FZD4: variants seen among roughly 807,000 people sequenced by gnomAD.
The protein encoded by FZD4 is frizzled-4.
FZD4 carries 16 observed loss-of-function variants against 37.3 expected under a neutral mutation model. The ratio of observed to expected loss-of-function variants is 0.43; its 90% CI spans 0.29 to 0.65. The LOEUF (loss-of-function observed/expected upper bound fraction) is 0.65, where lower values mean the gene tolerates loss of function less well. FZD4 is among the 30% of genes least tolerant of loss of function. The pLI is 0.16. For missense variants in FZD4, 599 were observed against 674.3 expected (o/e 0.89, Z 1.24); for synonymous variants, 246 against 254.8 (o/e 0.97, Z 0.33).
In FZD4 at chr11:86,955,090, A is replaced by G. The variant is rs777338316; in HGVS notation, c.-5T>C. The G allele has an allele frequency of 3.3e-6, 5 of 1,509,834 alleles. No individual in the cohort carries two copies. Among genetic ancestry groups the G allele is most frequent in the Non-Finnish European group, 1.8e-6 (2 of 1,134,598 alleles). The allele number at this position is 1,509,834 out of a possible 1,614,324, so 93.5% of individuals were successfully genotyped here. On this transcript the variant is annotated 5_prime_UTR_variant, in exon 1 of 2. Transcript: ENST00000531380. ...CCCTGCGCCCCGCCAGGCCATGGCC[A>G]GCATCGGGGGTAGCAGCGGCAGCGG...
chr11:86,954,815 A>G lies in FZD4; in HGVS notation c.271T>C (p.Ser91Pro), dbSNP rs775450620. 1 of 1,609,454 alleles carries G rather than the reference A, an allele frequency of 6.2e-7. No individual in the cohort carries two copies. The highest frequency in any genetic ancestry group is 2.2e-5 in the East Asian group (1 of 44,680). Residue 91 changes from serine to proline, a missense_variant, in exon 1 of 2, where the codon TCC (serine) becomes CCC (proline). This residue lies in a region of FZD4 where 357 missense variants were observed against 396.1 expected (regional missense o/e 0.90). Transcript: ENST00000531380. ...GGGGCGCCCACCTGCAGCTGGCTGGAGCAGCCGTACTGGATGAGCGGTGTG... is the reference window on the plus strand; with the variant it reads ...GGGGCGCCCACCTGCAGCTGGCTGGGGCAGCCGTACTGGATGAGCGGTGTG... ...TFTPLIQYGC[S>P]SQLQFFLCSV...
chr11:86,954,755 T>C, intron 1 of FZD4, 46 bp downstream of exon 1: 2 of 1,554,086 alleles, frequency 1.3e-6, no homozygotes, highest in South Asian at 1.2e-5. Flanking sequence ...GTTTGGAGCG[T>C]CCCTCCCCAA....
At chr11:86,953,654 T>C (rs1949313147) in intron 1 of FZD4, among the ~76,000 whole-genome samples, 1 of 152,138 alleles carries the variant, frequency 6.6e-6, no homozygotes, top group Non-Finnish European at 1.5e-5. Flanking sequence ...TTCGCTCCTG[T>C]GGCCCAGGCT....
At position 86,951,176 on chromosome 11, in the gene FZD4, A is replaced by G. The variant is rs764902681; in HGVS notation, c.1580T>C (p.Val527Ala). 6.2e-7 allele frequency: 1 copy of G among 1,614,074 alleles called. No homozygotes were observed. Among genetic ancestry groups the G allele is most frequent in the East Asian group, 2.2e-5 (1 of 44,886 alleles). The change falls in exon 2 of 2, where the codon GTG becomes GCG. Residue 527 changes from valine (V) to alanine (A), a missense_variant. This residue lies in a region of FZD4 where 203 missense variants were observed against 196.8 expected (regional missense o/e 1.03). Transcript: ENST00000531380. ...VKREKRGNGW[V>A]KPGKGSETVV ...AGTCTCACTGCCTTTTCCAGGCTTC[A>G]CCCAACCATTTCCTCTCTTCTCTCT...
Position 86,951,877 on chromosome 11 carries a change from G to T in FZD4, c.879C>A (p.Ile293=). 1 of 1,613,550 alleles carries T rather than the reference G, an allele frequency of 6.2e-7. No individual in the cohort carries two copies. The highest frequency in any genetic ancestry group is 2.2e-5 in the East Asian group (1 of 44,888). Residue 293 remains isoleucine, a synonymous_variant, in exon 2 of 2, where the codon ATC becomes ATA. Transcript: ENST00000531380. ...DFEEAAEPVL[I]QEGLKNTGCA... Reference sequence around the variant, plus strand: ...ATCCTGTGTTCTTAAGTCCTTCTTGGATGAGAACAGGTTCTGCTGCCTCTT... The same window carrying T: ...ATCCTGTGTTCTTAAGTCCTTCTTGTATGAGAACAGGTTCTGCTGCCTCTT...
At position 86,945,965 on chromosome 11, in the gene FZD4, A is replaced by T. The variant is rs376559208; in HGVS notation, c.*5177T>A. The T allele has an allele frequency of 2.4e-4, 36 of 152,738 alleles. 1 individual carries two copies. Among genetic ancestry groups the T allele is most frequent in the African/African-American group, 8.7e-4 (36 of 41,566 alleles). 9.5% of individuals were successfully genotyped at this position (152,738 alleles called of 1,614,324 possible). A position where few individuals can be genotyped will look rare whatever the true frequency, so the allele number is the denominator to read the frequency against. On this transcript the variant is annotated 3_prime_UTR_variant, in exon 2 of 2. Transcript: ENST00000531380. ...GAGGACCCAAGAAAGGCCACAGAGC[A>T]TCCAGCCCGACTGCTGCACAGAGCA...
chr11:86,952,381 C>G lies in FZD4; in HGVS notation c.375G>C (p.Lys125Asn). ...GPCGGMCLSV[K>N]RRCEPVLKEF... ...CCTTCAGGACGGGTTCACAGCGTCT[C>G]TTGACTGAAAGACACATGCCGCCGC... Residue 125 changes from lysine to asparagine, a missense_variant, in exon 2 of 2, where the codon AAG becomes AAC. Lys to Asn is a moderately conservative substitution (Grantham distance 94). Around this residue, in one of 3 missense-constraint regions of FZD4, gnomAD observed 357 missense variants for 396.1 expected, o/e 0.90. Transcript: ENST00000531380. The G allele has an allele frequency of 6.2e-7, 1 of 1,614,192 alleles. No homozygotes were observed. Among genetic ancestry groups the G allele is most frequent in the Non-Finnish European group, 8.5e-7 (1 of 1,180,030 alleles).
chr11:86,954,162 T>C, intron 1 of FZD4: 1 of 772,254 alleles, frequency 1.3e-6, no homozygotes, highest in Non-Finnish European at 1.6e-6. Flanking sequence ...AGATATGCTT[T>C]ACATTTTTTA....
Position 86,951,230 on chromosome 11 carries a change from T to C in FZD4, c.1526A>G (p.Asn509Ser), listed in dbSNP as rs1949288144. ...TACCTTTCCAGAATTCACCAATCTG[T>C]TGGAACACTTCTGCCACGTGTGAAG... ...KTLHTWQKCS[N>S]RLVNSGKVKR... Residue 509 changes from asparagine to serine, a missense_variant, in exon 2 of 2, where the codon AAC becomes AGC. Transcript: ENST00000531380. 1.9e-6 allele frequency: 3 copies of C among 1,614,170 alleles called. No individual in the cohort carries two copies. Among genetic ancestry groups the C allele is most frequent in the Admixed American group, 3.3e-5 (2 of 60,032 alleles).
Position 86,954,782 on chromosome 11 carries a change from T to TG in FZD4, c.285+18dup, listed in dbSNP as rs2135045149. ...CCTCCCCAAGGGGTCCCGCCAGGGG[T>TG]GGGGGTGGGGGCGCCCACCTGCAGC... On this transcript the variant is annotated intron_variant, in intron 1 of 1. Transcript: ENST00000531380. 6.3e-7 allele frequency: 1 copy of TG among 1,583,456 alleles called. No individual in the cohort carries two copies.
chr11:86,946,227 C>T lies in FZD4; in HGVS notation c.*4915G>A, dbSNP rs1374048930. 1 of 152,182 alleles carries T rather than the reference C, an allele frequency of 6.6e-6. No individual in the cohort carries two copies. Among genetic ancestry groups the T allele is most frequent in the Non-Finnish European group, 1.5e-5 (1 of 68,062 alleles). The allele number at this position is 152,182 out of a possible 1,614,324, so 9.4% of individuals were successfully genotyped here. On this transcript the variant is annotated 3_prime_UTR_variant, in exon 2 of 2. Coordinates refer to ENST00000531380, the MANE Select transcript of FZD4 (RefSeq NM_012193.4). ...CCAGCCTATTAGTACAATTTGAAAA[C>T]TTTCACAACCTCGGAGAGAAGATGG... is the stretch of plus-strand genomic sequence containing the variant.
intron 1 of FZD4, 60 bp from the exon 2 acceptor site, chr11:86,952,530 A>C: frequency 1.9e-6 from 3 of 1,580,964 alleles, no homozygotes; most frequent in Non-Finnish European, 2.6e-6. Context: ...GTTTGACCAA[A>C]TGCTCCCACA....
chr11:86,955,284 G>T lies in FZD4; in HGVS notation c.-199C>A, dbSNP rs550144999. 5 of 471,106 alleles carry T rather than the reference G, an allele frequency of 1.1e-5. No homozygotes were observed. In the South Asian group the frequency reaches 2.2e-4, roughly 21 times the overall value. The allele number at this position is 471,106 out of a possible 1,614,324, so 29.2% of individuals were successfully genotyped here. A position where few individuals can be genotyped will look rare whatever the true frequency, so the allele number is the denominator to read the frequency against. Reference sequence around the variant, plus strand: ...TTTAGACGTCCCGGGCCGAGGCCGAGGGACAGGCTGCGAGGGTCATGGCTG... The same window carrying T: ...TTTAGACGTCCCGGGCCGAGGCCGATGGACAGGCTGCGAGGGTCATGGCTG... On this transcript the variant is annotated 5_prime_UTR_variant, in exon 1 of 2. Coordinates refer to ENST00000531380, the MANE Select transcript of FZD4 (RefSeq NM_012193.4).
At position 86,947,977 on chromosome 11, in the gene FZD4, C is replaced by T. The variant is rs933893188; in HGVS notation, c.*3165G>A. 2.6e-5 allele frequency: 4 copies of T among 152,372 alleles called. No homozygotes were observed. In the South Asian group the frequency reaches 8.3e-4, roughly 32 times the overall value. The allele number at this position is 152,372 out of a possible 1,614,324, so 9.4% of individuals were successfully genotyped here. A position where few individuals can be genotyped will look rare whatever the true frequency, so the allele number is the denominator to read the frequency against. On this transcript the variant is annotated 3_prime_UTR_variant, in exon 2 of 2. Coordinates refer to ENST00000531380, the MANE Select transcript of FZD4 (RefSeq NM_012193.4). ...TCCTCAAATATACCTATACAAGTCA[C>T]ATGGAATACCCCAAGCCCTGAATTG...
chr11:86,955,170 G>T lies in FZD4; in HGVS notation c.-85C>A. On this transcript the variant is annotated 5_prime_UTR_variant, in exon 1 of 2. Transcript: ENST00000531380. ...TTGCACGGGGGCGCCGGCTGCCCGC[G>T]CTGCTCCCAGCTCCCGGGACGGGAG... The T allele has an allele frequency of 9.3e-7, 1 of 1,070,330 alleles. No homozygotes were observed. The highest frequency in any genetic ancestry group is 1.3e-6 in the Non-Finnish European group (1 of 794,868). The allele number at this position is 1,070,330 out of a possible 1,614,324, so 66.3% of individuals were successfully genotyped here. A position where few individuals can be genotyped will look rare whatever the true frequency, so the allele number is the denominator to read the frequency against.
intron 1 of FZD4, among the ~76,000 whole-genome samples, chr11:86,953,959 C>G (rs577552759): frequency 6.6e-6 from 1 of 152,096 alleles, no homozygotes; most frequent in Non-Finnish European, 1.5e-5. Context: ...TCTACTTTTT[C>G]CCACAACTTC....
At chr11:86,952,640 T>C in intron 1 of FZD4, 170 bp from the exon 2 acceptor site, 1 of 646,590 alleles carries the variant, frequency 1.5e-6, no homozygotes, top group African/African-American at 1.8e-5. Flanking sequence ...GGGCGCCTGA[T>C]AATCCATCAC....
rs1476305684 is a variant in FZD4 at position 86,949,600 on chromosome 11, T to G, written c.*1542A>C. The stretch of plus-strand genomic sequence containing the variant: ...AAGGCAAGGTAAGAGAAAGGCCAGT[T>G]ACAGTTTTAAGAGAAGTGCAATTTT... On this transcript the variant is annotated 3_prime_UTR_variant, in exon 2 of 2. Coordinates refer to ENST00000531380, the MANE Select transcript of FZD4 (RefSeq NM_012193.4). 6.6e-6 allele frequency: 1 copy of G among 152,648 alleles called. No homozygotes were observed. Among genetic ancestry groups the G allele is most frequent in the East Asian group, 1.9e-4 (1 of 5,198 alleles). The allele number at this position is 152,648 out of a possible 1,614,324, so 9.5% of individuals were successfully genotyped here.
chr11:86,953,788 TG>T (rs1479628427), intron 1 of FZD4, among the ~76,000 whole-genome samples: 4 of 152,086 alleles, frequency 2.6e-5, no homozygotes, highest in Non-Finnish European at 5.9e-5. Flanking sequence ...GGCTAATTTT[TG>T]TACTTTTAGT....
Sources: gnomAD v4.1 joint callset for allele counts (sites outside exome capture counted in the v4.1 genomes callset) on GRCh38, gnomAD v4.1.1 for gene constraint, gnomAD v4.1.1 regional missense constraint, MANE v1.5 for transcripts, NCBI Gene and HGNC (gene_info 2026-07-23, HGNC 2026-07-21) for gene names.